RCCD1: variants seen among roughly 807,000 people sequenced by gnomAD.
RCCD1 encodes the protein RCC1 domain-containing protein 1.
Under a neutral mutation model 37.6 loss-of-function variants are expected in RCCD1, and 40 were observed. The observed-to-expected ratio is 1.06, with a 90% CI of 0.83 to 1.39. The LOEUF is 1.39. RCCD1 is among the 40% of genes most tolerant of loss of function. RCCD1 has a pLI of 0.00. For synonymous variants in RCCD1, 263 were observed against 230.0 expected (o/e 1.14, Z -1.30); for missense variants, 577 against 517.3 (o/e 1.12, Z -1.12).
chr15:90,962,153 C>T lies in RCCD1; in HGVS notation c.*384C>T, dbSNP rs1240831834. Reference sequence around the variant, plus strand: ...TTCCCTGCTTTCGTTTGAATTTTACCATTCTTGTATGCAGCCTTATACGAC... The same window carrying T: ...TTCCCTGCTTTCGTTTGAATTTTACTATTCTTGTATGCAGCCTTATACGAC... On this transcript the variant is annotated 3_prime_UTR_variant, in exon 8 of 8. Coordinates refer to ENST00000394258, the MANE Select transcript of RCCD1 (RefSeq NM_001017919.2). 4 of 164,592 alleles carry T rather than the reference C, an allele frequency of 2.4e-5. No individual in the cohort carries two copies. In the East Asian group the frequency reaches 5.2e-4, roughly 21 times the overall value. 10.2% of individuals were successfully genotyped at this position (164,592 alleles called of 1,614,324 possible).
chr15:90,961,718 C>A lies in RCCD1; in HGVS notation c.1080C>A (p.Thr360=). ...VDKQLQVKAV[T]CGPWNTYVYA... ...AGCAACTCCAAGTAAAGGCTGTCAC[C>A]TGTGGGCCGTGGAACACCTACGTGT... Residue 360 remains threonine, a synonymous_variant, in exon 8 of 8, where the codon ACC becomes ACA. Transcript: ENST00000394258. 1 of 1,614,194 alleles carries A rather than the reference C, an allele frequency of 6.2e-7. No homozygotes were observed. The highest frequency in any genetic ancestry group is 1.1e-5 in the South Asian group (1 of 91,082).
At position 90,960,383 on chromosome 15, in the gene RCCD1, T is replaced by C; in HGVS notation, c.834T>C (p.Asp278=). 6.2e-7 allele frequency: 1 copy of C among 1,613,680 alleles called. No individual in the cohort carries two copies. The highest frequency in any genetic ancestry group is 8.5e-7 in the Non-Finnish European group (1 of 1,179,836). The stretch of plus-strand genomic sequence containing the variant: ...TGAAGAGAACGGGTGGGGCTGAGGA[T>C]GGAGCCCCTGCCCCCTTCATAGCTG... ...SQVKRTGGAE[D]GAPAPFIAVQ... is the part of the protein sequence containing the mutation. The change falls in exon 6 of 8, where the codon GAT becomes GAC. Residue 278 remains aspartate (D), a synonymous_variant. Transcript: ENST00000394258.
intron 7 of RCCD1, chr15:90,961,401 G>C: frequency 1.7e-6 from 1 of 587,452 alleles, no homozygotes. Context: ...TCTTAGCTTG[G>C]ATAGCAGGGA....
At position 90,962,875 on chromosome 15, in the gene RCCD1, T is replaced by TA. The variant is rs1168730223; in HGVS notation, c.*1107dup. 6.6e-6 allele frequency: 1 copy of TA among 152,246 alleles called. No individual in the cohort carries two copies. The highest frequency in any genetic ancestry group is 1.5e-5 in the Non-Finnish European group (1 of 68,040). 9.4% of individuals were successfully genotyped at this position (152,246 alleles called of 1,614,324 possible). A position where few individuals can be genotyped will look rare whatever the true frequency, so the allele number is the denominator to read the frequency against. ...AGTTTGTTTCAGTCTCTCTTGGTAT[T>TA]ACCAATTTTAATACTTAGGTGATGC... On this transcript the variant is annotated 3_prime_UTR_variant, in exon 8 of 8. Coordinates refer to ENST00000394258, the MANE Select transcript of RCCD1 (RefSeq NM_001017919.2).
rs562332130 is a variant in RCCD1 at position 90,957,360 on chromosome 15, C to T, written c.414C>T (p.Pro138=). Residue 138 remains proline, a synonymous_variant, in exon 3 of 8, where the codon CCC becomes CCT. Transcript: ENST00000394258. ...AGGCTGGGAGGCTACCCCTGCTGCCCTGCGCCCGTGCCTACGTGAGCCCGC... is the reference window on the plus strand; with the variant it reads ...AGGCTGGGAGGCTACCCCTGCTGCCTTGCGCCCGTGCCTACGTGAGCCCGC... ...EAQAGRLPLL[P]CARAYVSPRA... 1.0e-5 allele frequency: 16 copies of T among 1,546,380 alleles called. No individual in the cohort carries two copies. In the African/African-American group the frequency reaches 1.1e-4, roughly 11 times the overall value.
chr15:90,961,017 G>A lies in RCCD1; in HGVS notation c.950-8G>A, dbSNP rs377000576. The A allele has an allele frequency of 1.2e-5, 19 of 1,596,172 alleles. No homozygotes were observed. The highest frequency in any genetic ancestry group is 3.3e-5 in the South Asian group (3 of 90,042). ...AGTGACAACTATCGATTGTCCTTTTGCTTTCAGGAACAGGGGAGCTCTACA... is the reference window on the plus strand; with the variant it reads ...AGTGACAACTATCGATTGTCCTTTTACTTTCAGGAACAGGGGAGCTCTACA... On this transcript the variant is annotated splice_region_variant and splice_polypyrimidine_tract_variant and intron_variant, in intron 6 of 7. Coordinates refer to ENST00000394258, the MANE Select transcript of RCCD1 (RefSeq NM_001017919.2).
At position 90,956,893 on chromosome 15, in the gene RCCD1, C is replaced by G. The variant is rs1016778716; in HGVS notation, c.159C>G (p.Phe53Leu). 2.3e-6 allele frequency: 3 copies of G among 1,286,154 alleles called. No individual in the cohort carries two copies. In the East Asian group the frequency reaches 8.9e-5, roughly 38 times the overall value. The allele number at this position is 1,286,154 out of a possible 1,614,324, so 79.7% of individuals were successfully genotyped here. The part of the protein sequence containing the change: ...RVSASWSYTA[F>L]VTRGGRLELS... ...GCGCGAGCTGGAGCTACACCGCTTTCGTGACCCGTGAGCACTCCCCGCCCC... is the reference window on the plus strand; with the variant it reads ...GCGCGAGCTGGAGCTACACCGCTTTGGTGACCCGTGAGCACTCCCCGCCCC... The change falls in exon 2 of 8, where the codon TTC becomes TTG. Residue 53 changes from phenylalanine to leucine, a missense_variant. By Grantham distance (22) the Phe-to-Leu change is conservative. Transcript: ENST00000394258.
chr15:90,960,420 C>G lies in RCCD1; in HGVS notation c.871C>G (p.Pro291Ala). The part of the protein sequence containing the change: ...PAPFIAVQPF[P>A]ALLDLPMGSD... ...CCCCTTCATAGCTGTCCAGCCCTTC[C>G]CGGCATTACTGGATCTCCCCATGGG... The change falls in exon 6 of 8, where the codon CCG (proline) becomes GCG (alanine). Residue 291 changes from proline to alanine, a missense_variant. Transcript: ENST00000394258. The G allele has an allele frequency of 6.2e-7, 1 of 1,613,684 alleles. No homozygotes were observed. The highest frequency in any genetic ancestry group is 8.5e-7 in the Non-Finnish European group (1 of 1,179,998).
chr15:90,959,868 T>A, intron 4 of RCCD1, 32 bp from the exon 5 acceptor site: 1 of 1,510,618 alleles, frequency 6.6e-7, no homozygotes, highest in South Asian at 1.2e-5. Flanking sequence ...GGCTTCACAG[T>A]CTGTTTCATG....
rs1219061093 is a variant in RCCD1, at chr15:90,956,792, G to C, written c.58G>C (p.Glu20Gln). The change falls in exon 2 of 8, where the codon GAG (glutamate) becomes CAG (glutamine). Residue 20 changes from glutamate to glutamine, a missense_variant. Coordinates refer to ENST00000394258, the MANE Select transcript of RCCD1 (RefSeq NM_001017919.2). ...FGFGFCGFGQ[E>Q]LGSGRGRQVH... ...CTTCGGTTTCTGCGGCTTCGGGCAG[G>C]AGCTGGGCTCCGGACGCGGGCGCCA... 3.0e-6 allele frequency: 4 copies of C among 1,323,538 alleles called. No individual in the cohort carries two copies. In the East Asian group the frequency reaches 8.5e-5, roughly 28 times the overall value. 82.0% of individuals were successfully genotyped at this position (1,323,538 alleles called of 1,614,324 possible).
rs761074586 is a variant in RCCD1, at chr15:90,956,810, G to T, written c.76G>T (p.Gly26Trp). ...GFGQELGSGRGRQVHSPSPLR... is the reference protein window; with the variant it reads ...GFGQELGSGRWRQVHSPSPLR... Reference sequence around the variant, plus strand: ...CGGGCAGGAGCTGGGCTCCGGACGCGGGCGCCAGGTGCACAGCCCCAGTCC... The same window carrying T: ...CGGGCAGGAGCTGGGCTCCGGACGCTGGCGCCAGGTGCACAGCCCCAGTCC... The change falls in exon 2 of 8, where the codon GGG becomes TGG. Residue 26 changes from glycine to tryptophan, a missense_variant. By Grantham distance (184) the Gly-to-Trp change is radical. Transcript: ENST00000394258. 38 of 1,307,996 alleles carry T rather than the reference G, an allele frequency of 2.9e-5. 1 individual carries two copies. The East Asian group carries it at 9.5e-4, about 33-fold the overall frequency. 81.0% of individuals were successfully genotyped at this position (1,307,996 alleles called of 1,614,324 possible).
chr15:90,959,964 C>T lies in RCCD1; in HGVS notation c.744C>T (p.Asn248=), dbSNP rs767956222. Residue 248 remains asparagine (N), a synonymous_variant, in exon 5 of 8, where the codon AAC becomes AAT. Transcript: ENST00000394258. ...GGCAGCTGGCCCTGCCCACCAGGAA[C>T]CTGGCAGAGGATGGAGAGACTGTCG... ...ESGQLALPTR[N]LAEDGETVAR... is the part of the protein sequence containing the mutation. The T allele has an allele frequency of 6.2e-6, 10 of 1,613,520 alleles. No individual in the cohort carries two copies. The highest frequency in any genetic ancestry group is 8.5e-6 in the Non-Finnish European group (10 of 1,179,848).
At chr15:90,957,033 C>G in intron 2 of RCCD1, 80 bp from the exon 3 acceptor site, 1 of 1,289,296 alleles carries the variant, frequency 7.8e-7, no homozygotes, top group Non-Finnish European at 9.8e-7. Flanking sequence ...GTCCCCAATT[C>G]GACCCCTTCC....
At position 90,962,054 on chromosome 15, in the gene RCCD1, C is replaced by T. The variant is rs57999361; in HGVS notation, c.*285C>T. The T allele has an allele frequency of 0.016, 3,436 of 220,772 alleles. 131 individuals are homozygous for T. The highest frequency in any genetic ancestry group is 0.074 in the African/African-American group (3,268 of 44,080). 13.7% of individuals were successfully genotyped at this position (220,772 alleles called of 1,614,324 possible). A position where few individuals can be genotyped will look rare whatever the true frequency, so the allele number is the denominator to read the frequency against. On this transcript the variant is annotated 3_prime_UTR_variant, in exon 8 of 8. Transcript: ENST00000394258. ...ATAGTGGTAGATTCAAAGCTCCACC[C>T]ACCTCATCCCAGGTACATTTGATGT...
rs767824788 is a variant in RCCD1, at chr15:90,961,611, A to C, written c.980-7A>C. The C allele has an allele frequency of 6.2e-6, 10 of 1,610,184 alleles. 1 individual carries two copies. The South Asian group carries it at 1.1e-4, about 18-fold the overall frequency. ...AGACGATGGCAAAGGGGCTGATTTCACTTTAGGTAAATATGGACAGCTGGG... is the reference window on the plus strand; with the variant it reads ...AGACGATGGCAAAGGGGCTGATTTCCCTTTAGGTAAATATGGACAGCTGGG... On this transcript the variant is annotated splice_polypyrimidine_tract_variant and splice_region_variant and intron_variant, in intron 7 of 7. Coordinates refer to ENST00000394258, the MANE Select transcript of RCCD1 (RefSeq NM_001017919.2).
rs746753093 is a variant in RCCD1 at position 90,961,805 on chromosome 15, A to ACC, written c.*40_*41dup. ...TATATGTATATGCAACACCTGTGAG[A>ACC]CCCCCATTCAGGTCAAGGAAAACCA... On this transcript the variant is annotated 3_prime_UTR_variant, in exon 8 of 8. Transcript: ENST00000394258. 2 of 1,586,048 alleles carry ACC rather than the reference A, an allele frequency of 1.3e-6. No homozygotes were observed. Among genetic ancestry groups the ACC allele is most frequent in the African/African-American group, 1.3e-5 (1 of 74,154 alleles).
At chr15:90,961,300 G>T in intron 7 of RCCD1, 1 of 592,384 alleles carries the variant, frequency 1.7e-6, no homozygotes, top group Non-Finnish European at 3.0e-6. Context: ...ACTGTCTTAA[G>T]GGAGTATCCA....
Position 90,959,945 on chromosome 15 carries a change from T to A in RCCD1, c.725T>A (p.Leu242Gln). 6.2e-7 allele frequency: 1 copy of A among 1,613,816 alleles called. No individual in the cohort carries two copies. The highest frequency in any genetic ancestry group is 1.1e-5 in the South Asian group (1 of 91,044). Residue 242 changes from leucine (L) to glutamine (Q), a missense_variant, in exon 5 of 8, where the codon CTG (leucine) becomes CAG (glutamine). Physicochemically the swap from Leu to Gln is moderately radical, Grantham distance 113. Coordinates refer to ENST00000394258, the MANE Select transcript of RCCD1 (RefSeq NM_001017919.2). The part of the protein sequence containing the change: ...YIWGWNESGQ[L>Q]ALPTRNLAED... Reference sequence around the variant, plus strand: ...TGGGGCTGGAATGAATCAGGGCAGCTGGCCCTGCCCACCAGGAACCTGGCA... The same window carrying A: ...TGGGGCTGGAATGAATCAGGGCAGCAGGCCCTGCCCACCAGGAACCTGGCA...
At position 90,960,489 on chromosome 15, in the gene RCCD1, GT is replaced by G. The variant is rs771065368; in HGVS notation, c.941del (p.Val314GlyfsTer2). On this transcript the variant is annotated frameshift_variant, in exon 6 of 8. Coordinates refer to ENST00000394258, the MANE Select transcript of RCCD1 (RefSeq NM_001017919.2). LOFTEE classifies it high-confidence loss of function. The part of the protein sequence containing the change: ...KASCGSRHTA[V>X]VTRTGELYTW... The stretch of plus-strand genomic sequence containing the variant: ...CAGCTGTGGATCCCGGCACACAGCT[GT>G]GGTGACACGTGAGTGGGGCTGGGAG... The G allele has an allele frequency of 6.2e-7, 1 of 1,608,418 alleles. No homozygotes were observed. Among genetic ancestry groups the G allele is most frequent in the South Asian group, 1.1e-5 (1 of 90,956 alleles).
Sources: allele counts gnomAD v4.1 joint callset, GRCh38; gene constraint gnomAD v4.1.1; transcripts MANE v1.5; gene names NCBI Gene and HGNC (gene_info 2026-07-23, HGNC 2026-07-21).